UBE2F: variants seen among roughly 807,000 people sequenced by gnomAD.
The protein encoded by UBE2F is ubiquitin conjugating enzyme E2 F (putative).
UBE2F carries 5 observed loss-of-function variants against 29.6 expected under a neutral mutation model. The ratio of observed to expected loss-of-function variants is 0.17; its 90% confidence interval spans 0.09 to 0.36. UBE2F has a LOEUF of 0.36. Among genes scored for constraint, UBE2F ranks in the 10% least tolerant of loss-of-function variants. UBE2F has a pLI of 1.00. For synonymous variants in UBE2F, 66 were observed against 81.8 expected, an observed-to-expected ratio of 0.81 and a Z score of 1.04; for missense variants, 141 against 228.5, an observed-to-expected ratio of 0.62 and a Z score of 2.47.
chr2:238,028,894 C>A (rs563720526), intron 6 of UBE2F: 1 of 149,360 alleles, frequency 6.7e-6, no homozygotes, highest in South Asian at 2.1e-4. Context: ...GTAATTTTAT[C>A]TCCAGAAGGA....
At chr2:237,990,593 T>C in intron 3 of UBE2F, 2 of 181,134 alleles carry the variant, frequency 1.1e-5, no homozygotes, top group South Asian at 1.7e-4. Context: ...AAAATTATTA[T>C]TATTTTTTAT....
intron 3 of UBE2F, among the ~76,000 whole-genome samples, chr2:237,991,665 C>T (rs9678686): frequency 0.83 from 112,769 of 135,790 alleles, 46,978 homozygotes; most frequent in East Asian, 0.97. Context: ...TGCAGTGGCG[C>T]GATCTCGGCT....
At chr2:238,032,457 A>G (rs1266826617) in intron 8 of UBE2F, 1 of 538,506 alleles carries the variant, frequency 1.9e-6, no homozygotes, top group Non-Finnish European at 3.3e-6. Context: ...TCTACAAAAA[A>G]TAGAAAAATT....
rs1356248687 is a variant in UBE2F at position 238,042,063 on chromosome 2, AT to A, written c.*729del. The A allele has an allele frequency of 3.3e-5, 5 of 152,528 alleles. No individual in the cohort carries two copies. Among genetic ancestry groups the A allele is most frequent in the African/African-American group, 1.2e-4 (5 of 41,438 alleles). 9.4% of individuals were successfully genotyped at this position (152,528 alleles called of 1,614,324 possible). A position where few individuals can be genotyped will look rare whatever the true frequency, so the allele number is the denominator to read the frequency against. ...AGAAAATATGAAAGGCACATTATTC[AT>A]TTTGTCCAAATGCAATGAGAATCTC... On this transcript the variant is annotated 3_prime_UTR_variant, in exon 10 of 10. Coordinates refer to ENST00000272930, the MANE Select transcript of UBE2F (RefSeq NM_080678.3).
At position 237,978,633 on chromosome 2, in the gene UBE2F, C is replaced by T. The variant is rs551564365; in HGVS notation, c.118+5408C>T. Among the ~76,000 whole-genome samples, 23 of 152,310 alleles carry T rather than the reference C, an allele frequency of 1.5e-4. No individual in the cohort carries two copies. In the East Asian group the frequency reaches 4.4e-3, roughly 29 times the overall value. ...ATCCTCAGTCCAGTTCTGAGGGCACCCTCTGGGCTGGAGCTGGAGTGATGC... is the reference window on the plus strand; with the variant it reads ...ATCCTCAGTCCAGTTCTGAGGGCACTCTCTGGGCTGGAGCTGGAGTGATGC... On this transcript the variant is annotated intron_variant, in intron 2 of 9. Transcript: ENST00000272930.
At chr2:238,002,086 CAG>C (rs2063807043) in intron 4 of UBE2F, among the ~76,000 whole-genome samples, 1 of 83,978 alleles carries the variant, frequency 1.2e-5, no homozygotes, top group Non-Finnish European at 2.3e-5. Context: ...TTTTTTGAGA[CAG>C]AGTTTTGCTC....
At chr2:237,991,291 C>T (rs2063580635) in intron 3 of UBE2F, among the ~76,000 whole-genome samples, 1 of 152,154 alleles carries the variant, frequency 6.6e-6, no homozygotes, top group South Asian at 2.1e-4. Flanking sequence ...AAGAAACCAC[C>T]AATGAATAAC....
rs1250640187 is a variant in UBE2F at position 238,040,171 on chromosome 2, C to T, written c.508-1117C>T. On this transcript the variant is annotated intron_variant, in intron 9 of 9. Transcript: ENST00000272930. This position sits in a 1 kb window ranked among gnomAD's most constrained non-coding sequence, Gnocchi z 4.4. ...AGCTTCAAATTGGGAACTTGCCCGC[C>T]CTGGAAAGGGTCGCTGTGCTAACTA... 1.3e-5 allele frequency among the ~76,000 whole-genome samples: 2 copies of T among 152,178 alleles called. No homozygotes were observed. Among genetic ancestry groups the T allele is most frequent in the Non-Finnish European group, 2.9e-5 (2 of 68,034 alleles).
intron 3 of UBE2F, among the ~76,000 whole-genome samples, chr2:237,993,745 A>T (rs1559208990): frequency 6.6e-6 from 1 of 152,212 alleles, no homozygotes; most frequent in African/African-American, 2.4e-5. Flanking sequence ...TTCTGATTTT[A>T]TAGATGTAGA....
intron 9 of UBE2F, 36 bp downstream of exon 9, chr2:238,035,976 C>A: frequency 6.4e-7 from 1 of 1,572,086 alleles, no homozygotes; most frequent in Non-Finnish European, 8.8e-7. Flanking sequence ...GGTTGATGTA[C>A]TTGTCACGAA....
intron 5 of UBE2F, among the ~76,000 whole-genome samples, chr2:238,022,561 A>G (rs1194210084): frequency 1.3e-5 from 2 of 152,144 alleles, no homozygotes; most frequent in Non-Finnish European, 2.9e-5. Flanking sequence ...ATGTTATGAT[A>G]TGCTTAAAGC....
At chr2:238,013,276 T>G (rs1559218692) in intron 4 of UBE2F, among the ~76,000 whole-genome samples, 1 of 151,770 alleles carries the variant, frequency 6.6e-6, no homozygotes, top group Non-Finnish European at 1.5e-5. Flanking sequence ...ATAAATAATT[T>G]AAAAAAAGAA....
At position 238,005,027 on chromosome 2, in the gene UBE2F, C is replaced by G. The variant is rs114837824; in HGVS notation, c.214+10218C>G. On this transcript the variant is annotated intron_variant, in intron 4 of 9. Coordinates refer to ENST00000272930, the MANE Select transcript of UBE2F (RefSeq NM_080678.3). ...ACTTCATGATCTTAGCCTAGTGAGA[C>G]CCATTTTGGTCTTCTGGCCTCCAGA... is the stretch of plus-strand genomic sequence containing the variant. Among the ~76,000 whole-genome samples the G allele has an allele frequency of 1.8e-3, 279 of 152,150 alleles. 2 individuals carry two copies. Among genetic ancestry groups the G allele is most frequent in the African/African-American group, 6.3e-3 (263 of 41,514 alleles).
chr2:238,010,775 C>T (rs1273069743), intron 4 of UBE2F, among the ~76,000 whole-genome samples: 1 of 152,146 alleles, frequency 6.6e-6, no homozygotes, highest in Admixed American at 6.5e-5. Flanking sequence ...TCCCAGTACT[C>T]AAGAATGATC....
Position 238,041,986 on chromosome 2 carries a change from A to C in UBE2F, c.*648A>C, listed in dbSNP as rs1024435404. The C allele has an allele frequency of 6.5e-6, 1 of 152,700 alleles. No homozygotes were observed. The highest frequency in any genetic ancestry group is 1.5e-5 in the Non-Finnish European group (1 of 68,056). 9.5% of individuals were successfully genotyped at this position (152,700 alleles called of 1,614,324 possible). On this transcript the variant is annotated 3_prime_UTR_variant, in exon 10 of 10. Coordinates refer to ENST00000272930, the MANE Select transcript of UBE2F (RefSeq NM_080678.3). ...CTCATTTAGTTTGTATTTTCATTGT[A>C]TAGAGCAGACAGAAAGATGTTGGGT...
At chr2:237,996,973 G>T (rs767132003) in intron 4 of UBE2F, among the ~76,000 whole-genome samples, 1 of 152,102 alleles carries the variant, frequency 6.6e-6, no homozygotes, top group Non-Finnish European at 1.5e-5. Flanking sequence ...TGTAATTCCC[G>T]CACTTTGGGA....
chr2:238,015,000 C>T (rs572507143), intron 4 of UBE2F, among the ~76,000 whole-genome samples: 7 of 152,180 alleles, frequency 4.6e-5, no homozygotes, highest in South Asian at 4.1e-4. Flanking sequence ...GAATAATAAA[C>T]GCCGTTGGGG....
intron 4 of UBE2F, among the ~76,000 whole-genome samples, chr2:238,002,697 C>T (rs1297974512): frequency 3.9e-5 from 6 of 152,088 alleles, no homozygotes; most frequent in Admixed American, 2.0e-4. Context: ...CTGCAATCTC[C>T]GCCTCCTGGG....
At chr2:238,003,450 G>A (rs2063839384) in intron 4 of UBE2F, 4 of 469,500 alleles carry the variant, frequency 8.5e-6, no homozygotes, top group South Asian at 6.2e-5. Context: ...CACCTGATCT[G>A]TTCTCACATT....
Sources: gnomAD v4.1 joint callset for allele counts (sites outside exome capture counted in the v4.1 genomes callset) on GRCh38, gnomAD v4.1.1 for gene constraint, Gnocchi (gnomAD v3.1) non-coding constraint, MANE v1.5 for transcripts, NCBI Gene and HGNC (gene_info 2026-07-23, HGNC 2026-07-21) for gene names.